The following IQGAP1 variants were observed in gnomAD, a reference collection of about 807,000 sequenced individuals.
IQGAP1 encodes the protein ras GTPase-activating-like protein IQGAP1.
Under a neutral mutation model 215.6 loss-of-function variants are expected in IQGAP1, and 66 were observed. The ratio of observed to expected loss-of-function variants is 0.31; its 90% CI spans 0.25 to 0.38. The LOEUF (loss-of-function observed/expected upper bound fraction) is 0.38. IQGAP1 is among the 10% of genes least tolerant of loss of function. IQGAP1 has a pLI of 1.00. For missense variants in IQGAP1, 1,712 were observed against 1,997.1 expected, an observed-to-expected ratio of 0.86 and a Z score of 2.72; for synonymous variants, 772 against 728.7, an observed-to-expected ratio of 1.06 and a Z score of -0.96.
In IQGAP1 at chr15:90,395,654, C is replaced by G. The variant is rs1041557668; in HGVS notation, c.155+4781C>G. 2.0e-5 allele frequency among the ~76,000 whole-genome samples: 3 copies of G among 152,178 alleles called. 1 individual carries two copies. The East Asian group carries it at 5.8e-4, about 29-fold the overall frequency. On this transcript the variant is annotated intron_variant, in intron 2 of 37. Transcript: ENST00000268182. ...GCAGTTGTATAGGAGCAATGAATAC[C>G]GTTTCACTCAGTTGAAGGAGGTAAC...
At chr15:90,421,141 A>G (rs1965129448) in intron 2 of IQGAP1, among the ~76,000 whole-genome samples, 1 of 151,904 alleles carries the variant, frequency 6.6e-6, no homozygotes, top group Non-Finnish European at 1.5e-5. Flanking sequence ...CATCTCAAAG[A>G]AAAATTTTTT....
rs1252690237 is a variant in IQGAP1 at position 90,481,998 on chromosome 15, C to G, written c.3368C>G (p.Ala1123Gly). Residue 1123 changes from alanine to glycine, a missense_variant, in exon 27 of 38, where the codon GCT becomes GGT. Ala to Gly is a moderately conservative substitution (Grantham distance 60). Transcript: ENST00000268182. Reference sequence around the variant, plus strand: ...GATGTGACCCCTGAGCAGGCGCTAGCTCATGAAGAAGTGAAGACACGGCTA... The same window carrying G: ...GATGTGACCCCTGAGCAGGCGCTAGGTCATGAAGAAGTGAAGACACGGCTA... Reference protein sequence around the residue: ...PYDVTPEQALAHEEVKTRLDS... With the variant: ...PYDVTPEQALGHEEVKTRLDS... 1.9e-6 allele frequency: 3 copies of G among 1,614,222 alleles called. No individual in the cohort carries two copies. The East Asian group carries it at 6.7e-5, about 36-fold the overall frequency.
chr15:90,394,602 G>A (rs1004390489), intron 2 of IQGAP1, among the ~76,000 whole-genome samples: 2 of 151,990 alleles, frequency 1.3e-5, no homozygotes, highest in African/African-American at 4.8e-5. Flanking sequence ...TGTTCCGAGG[G>A]CCCCTCTTTC....
chr15:90,427,517 A>G (rs1219143329), intron 3 of IQGAP1, among the ~76,000 whole-genome samples: 2 of 152,030 alleles, frequency 1.3e-5, no homozygotes, highest in Non-Finnish European at 1.5e-5. Flanking sequence ...AGGCGGGCGG[A>G]TCACTTGAGG....
At chr15:90,433,505 A>G (rs917809452) in intron 4 of IQGAP1, among the ~76,000 whole-genome samples, 1 of 152,160 alleles carries the variant, frequency 6.6e-6, no homozygotes, top group Non-Finnish European at 1.5e-5. Context: ...AGTACTTTTT[A>G]TTCTGTATTA....
rs904087732 is a variant in IQGAP1, at chr15:90,501,491, A to T, written c.*1383A>T. The T allele has an allele frequency of 2.2e-4, 34 of 152,094 alleles. No individual in the cohort carries two copies. The highest frequency in any genetic ancestry group is 8.0e-4 in the African/African-American group (33 of 41,422). 9.4% of individuals were successfully genotyped at this position (152,094 alleles called of 1,614,324 possible). A position where few individuals can be genotyped will look rare whatever the true frequency, so the allele number is the denominator to read the frequency against. ...TTGATTCAGTATTCTTTTATCATAA[A>T]TTTTTAGCATTTAAAAATTCACTGA... On this transcript the variant is annotated 3_prime_UTR_variant, in exon 38 of 38. Coordinates refer to ENST00000268182, the MANE Select transcript of IQGAP1 (RefSeq NM_003870.4).
chr15:90,474,110 C>G lies in IQGAP1; in HGVS notation c.2552C>G (p.Ala851Gly), dbSNP rs1343875558. The change falls in exon 22 of 38, where the codon GCT becomes GGT. Residue 851 changes from alanine to glycine, a missense_variant. By Grantham distance (60) the Ala-to-Gly change is moderately conservative. Around this residue, in one of 2 missense-constraint regions of IQGAP1, gnomAD observed 1,021 missense variants for 1,074.2 expected, o/e 0.95. Transcript: ENST00000268182. Reference sequence around the variant, plus strand: ...CAGGCTTTTATTCGGGCAAACAAAGCTCGGGATGACTACAAGACTCTCAGT... The same window carrying G: ...CAGGCTTTTATTCGGGCAAACAAAGGTCGGGATGACTACAAGACTCTCAGT... ...KIQAFIRANK[A>G]RDDYKTLINA... 1 of 1,613,066 alleles carries G rather than the reference C, an allele frequency of 6.2e-7. No homozygotes were observed. The highest frequency in any genetic ancestry group is 1.7e-5 in the Admixed American group (1 of 59,822).
intron 26 of IQGAP1, 113 bp downstream of exon 26, chr15:90,478,002 C>T (rs919325721): frequency 4.0e-6 from 3 of 740,778 alleles, no homozygotes; most frequent in Non-Finnish European, 6.5e-6. Flanking sequence ...CTTTTCTTTT[C>T]TTTTTTTAGA....
intron 32 of IQGAP1, 164 bp from the exon 33 acceptor site, chr15:90,487,331 G>C: frequency 3.0e-6 from 2 of 660,866 alleles, no homozygotes. Flanking sequence ...CTTATGGAAT[G>C]GCTGGGTAAA....
intron 2 of IQGAP1, among the ~76,000 whole-genome samples, chr15:90,409,947 C>T (rs376621793): frequency 4.6e-5 from 7 of 152,262 alleles, no homozygotes; most frequent in African/African-American, 1.7e-4. Flanking sequence ...TAAATGTCTT[C>T]TTTTGAGAAG....
At chr15:90,480,342 T>G (rs1055879258) in intron 26 of IQGAP1, among the ~76,000 whole-genome samples, 2 of 152,142 alleles carry the variant, frequency 1.3e-5, no homozygotes. Context: ...CCCTTAGCTT[T>G]CTTCTTTTAC....
intron 15 of IQGAP1, among the ~76,000 whole-genome samples, chr15:90,465,268 T>C (rs1337621997): frequency 6.6e-6 from 1 of 152,194 alleles, no homozygotes; most frequent in Non-Finnish European, 1.5e-5. Context: ...CTTAAAAACA[T>C]TAGTAGTCAT....
Position 90,483,231 on chromosome 15 carries a change from G to A in IQGAP1, c.3556-130G>A, listed in dbSNP as rs534139133. 168 of 646,214 alleles carry A rather than the reference G, an allele frequency of 2.6e-4. 1 individual carries two copies. The South Asian group carries it at 3.0e-3, about 12-fold the overall frequency. 40.0% of individuals were successfully genotyped at this position (646,214 alleles called of 1,614,324 possible). A position where few individuals can be genotyped will look rare whatever the true frequency, so the allele number is the denominator to read the frequency against. ...TGTGTATATGTGCATGCATGCGTGTGTATATGTATTTTTTATTTATTTTTT... is the reference window on the plus strand; with the variant it reads ...TGTGTATATGTGCATGCATGCGTGTATATATGTATTTTTTATTTATTTTTT... On this transcript the variant is annotated intron_variant, in intron 28 of 37. Coordinates refer to ENST00000268182, the MANE Select transcript of IQGAP1 (RefSeq NM_003870.4).
intron 18 of IQGAP1, 98 bp downstream of exon 18, chr15:90,467,690 G>A: frequency 7.9e-7 from 1 of 1,260,368 alleles, no homozygotes; most frequent in African/African-American, 1.5e-5. Flanking sequence ...AGAAGCCCTA[G>A]ACTAAAATTG....
At chr15:90,415,449 C>T (rs1208920717) in intron 2 of IQGAP1, among the ~76,000 whole-genome samples, 1 of 151,922 alleles carries the variant, frequency 6.6e-6, no homozygotes, top group Admixed American at 6.6e-5. Context: ...TTATCTTTTC[C>T]TTTCTGATTT....
intron 31 of IQGAP1, 76 bp downstream of exon 31, chr15:90,486,208 T>G: frequency 1.1e-6 from 1 of 928,996 alleles, no homozygotes; most frequent in Admixed American, 2.0e-5. Context: ...CCTCCTCTAT[T>G]TTTTGCACTA....
intron 34 of IQGAP1, among the ~76,000 whole-genome samples, chr15:90,491,991 C>A (rs1367772138): frequency 6.6e-6 from 1 of 152,118 alleles, no homozygotes; most frequent in Non-Finnish European, 1.5e-5. Flanking sequence ...TATTATAGTT[C>A]TCTTTTTCTC....
In IQGAP1 at chr15:90,452,877, A is replaced by G; in HGVS notation, c.1265A>G (p.Tyr422Cys). The G allele has an allele frequency of 6.2e-7, 1 of 1,614,134 alleles. No individual in the cohort carries two copies. Among genetic ancestry groups the G allele is most frequent in the Non-Finnish European group, 8.5e-7 (1 of 1,180,020 alleles). The change falls in exon 12 of 38, where the codon TAT (tyrosine) becomes TGT (cysteine). Residue 422 changes from tyrosine (Y) to cysteine (C), a missense_variant. By Grantham distance (194) the Tyr-to-Cys change is radical. Coordinates refer to ENST00000268182, the MANE Select transcript of IQGAP1 (RefSeq NM_003870.4). ...CCCGAAGCCCAGCTGCCCCAGGTGT[A>G]TCCATTTGCCGCCGATCTCTATCAG... ...MNPEAQLPQV[Y>C]PFAADLYQKE...
At chr15:90,419,488 C>G (rs890840462) in intron 2 of IQGAP1, among the ~76,000 whole-genome samples, 1 of 152,110 alleles carries the variant, frequency 6.6e-6, no homozygotes, top group African/African-American at 2.4e-5. Flanking sequence ...TAAAGCAGTT[C>G]TGGGGTTAAA....
Sources: gnomAD v4.1 joint callset for allele counts (sites outside exome capture counted in the v4.1 genomes callset) on GRCh38, gnomAD v4.1.1 for gene constraint, gnomAD v4.1.1 regional missense constraint, MANE v1.5 for transcripts, NCBI Gene and HGNC (gene_info 2026-07-23, HGNC 2026-07-21) for gene names.